Variants in HELQ observed in about 807,000 individuals in gnomAD.
HELQ encodes the protein helicase POLQ-like.
Under a neutral mutation model 111.6 loss-of-function variants are expected in HELQ, and 77 were observed. That is an observed-to-expected ratio of 0.69 (90% confidence interval 0.57 to 0.83). HELQ has a LOEUF of 0.83. HELQ is among the 40% of genes least tolerant of loss of function. The pLI, the probability that HELQ is intolerant of heterozygous loss-of-function variation, is 0.00. For missense variants in HELQ, 1,200 were observed against 1,288.5 expected (o/e 0.93, Z 1.05); for synonymous variants, 438 against 454.7 (o/e 0.96, Z 0.47).
At chr4:83,432,008 A>C in intron 10 of HELQ, 118 bp downstream of exon 10, 1 of 592,624 alleles carries the variant, frequency 1.7e-6, no homozygotes. Context: ...TCATATAGGA[A>C]AGAAAGCATC....
At chr4:83,428,471 G>GA (rs908341560) in intron 12 of HELQ, among the ~76,000 whole-genome samples, 2 of 152,146 alleles carry the variant, frequency 1.3e-5, no homozygotes, top group African/African-American at 4.8e-5. Context: ...TGAGGTGGGA[G>GA]AATCATTTGA....
At chr4:83,410,591 G>A (rs1739034127) in intron 17 of HELQ, among the ~76,000 whole-genome samples, 1 of 152,154 alleles carries the variant, frequency 6.6e-6, no homozygotes, top group Admixed American at 6.6e-5. Flanking sequence ...TGAAAAAGAG[G>A]AAGACTATAT....
At position 83,431,648 on chromosome 4, in the gene HELQ, A is replaced by G. The variant is rs766440429; in HGVS notation, c.2295+16T>C. 11 of 1,422,040 alleles carry G rather than the reference A, an allele frequency of 7.7e-6. No individual in the cohort carries two copies. In the African/African-American group the frequency reaches 1.6e-4, roughly 21 times the overall value. 88.1% of individuals were successfully genotyped at this position (1,422,040 alleles called of 1,614,324 possible). A position where few individuals can be genotyped will look rare whatever the true frequency, so the allele number is the denominator to read the frequency against. On this transcript the variant is annotated intron_variant, in intron 11 of 17. Coordinates refer to ENST00000295488, the MANE Select transcript of HELQ (RefSeq NM_133636.5). ...CTCAGATAACAGTAATAAGATAAAA[A>G]ATTTAAGAAAAATACCTTCAAACCA...
intron 17 of HELQ, among the ~76,000 whole-genome samples, chr4:83,410,312 T>C (rs1038774073): frequency 4.6e-5 from 7 of 152,226 alleles, no homozygotes; most frequent in Non-Finnish European, 1.0e-4. Context: ...CCAGTAGAAT[T>C]TGTGTTTCAA....
chr4:83,421,317 A>G (rs898534968), intron 15 of HELQ, among the ~76,000 whole-genome samples: 1 of 152,222 alleles, frequency 6.6e-6, no homozygotes, highest in African/African-American at 2.4e-5. Flanking sequence ...TGGGTCAAAA[A>G]GACACTTTTC....
At chr4:83,455,372 G>C (rs1357424309) in intron 1 of HELQ, 25 bp downstream of exon 1, 1 of 1,599,948 alleles carries the variant, frequency 6.3e-7, no homozygotes, top group Non-Finnish European at 8.6e-7. Flanking sequence ...AAAGTTTGCA[G>C]TTTCAAGTTC....
In HELQ at chr4:83,427,689, C is replaced by T; in HGVS notation, c.2550G>A (p.Leu850=). ...GTIDLAYCDI[L]YRDLKKGLEG... ...CAAGACCTTTCTTCAAGTCTCTGTA[C>T]AGAATGTCACAATAAGCTAAATCTA... The change falls in exon 13 of 18, where the codon CTG becomes CTA. Residue 850 remains leucine (L), a synonymous_variant. Coordinates refer to ENST00000295488, the MANE Select transcript of HELQ (RefSeq NM_133636.5). 6.4e-7 allele frequency: 1 copy of T among 1,572,300 alleles called. No individual in the cohort carries two copies. Among genetic ancestry groups the T allele is most frequent in the South Asian group, 1.2e-5 (1 of 83,722 alleles).
In HELQ at chr4:83,453,467, A is replaced by C. The variant is rs750492907; in HGVS notation, c.776T>G (p.Met259Arg). 37 of 1,610,116 alleles carry C rather than the reference A, an allele frequency of 2.3e-5. No individual in the cohort carries two copies. Among genetic ancestry groups the C allele is most frequent in the Non-Finnish European group, 2.9e-5 (34 of 1,179,074 alleles). Reference protein sequence around the residue: ...SSSKVRTSSDMNRRKSIKDHL... With the variant: ...SSSKVRTSSDRNRRKSIKDHL... ...ATCTTTAATACTTTTTCTCCTGTTC[A>C]TATCTGAACTAGTTCTGACTTTGGA... The change falls in exon 2 of 18, where the codon ATG (methionine) becomes AGG (arginine). Residue 259 changes from methionine to arginine, a missense_variant. Met to Arg is a moderately conservative substitution (Grantham distance 91). Around this residue, in one of 3 missense-constraint regions of HELQ, gnomAD observed 610 missense variants for 607.1 expected, o/e 1.00. Coordinates refer to ENST00000295488, the MANE Select transcript of HELQ (RefSeq NM_133636.5).
In HELQ at chr4:83,428,903, G is replaced by T. The variant is rs539557355; in HGVS notation, c.2518+621C>A. Among the ~76,000 whole-genome samples, 144 of 152,172 alleles carry T rather than the reference G, an allele frequency of 9.5e-4. 1 individual carries two copies. Among genetic ancestry groups the T allele is most frequent in the African/African-American group, 3.2e-3 (134 of 41,546 alleles). On this transcript the variant is annotated intron_variant, in intron 12 of 17. Coordinates refer to ENST00000295488, the MANE Select transcript of HELQ (RefSeq NM_133636.5). Reference sequence around the variant, plus strand: ...TACATATTATGCACTGAAATGAAATGTACAGTAAAGGTCTGGAAAGATATA... The same window carrying T: ...TACATATTATGCACTGAAATGAAATTTACAGTAAAGGTCTGGAAAGATATA...
intron 17 of HELQ, among the ~76,000 whole-genome samples, chr4:83,412,586 G>T (rs911150447): frequency 6.6e-6 from 1 of 152,210 alleles, no homozygotes; most frequent in Non-Finnish European, 1.5e-5. Context: ...AACACTTTGG[G>T]AAGCCAAGAT....
In HELQ at chr4:83,421,627, C is replaced by T. The variant is rs752417171; in HGVS notation, c.2885G>A (p.Gly962Glu). Residue 962 changes from glycine to glutamate, a missense_variant, in exon 15 of 18, where the codon GGA (glycine) becomes GAA (glutamate). This residue lies in a region of HELQ where 585 missense variants were observed against 665.3 expected (regional missense o/e 0.88). Coordinates refer to ENST00000295488, the MANE Select transcript of HELQ (RefSeq NM_133636.5). The stretch of plus-strand genomic sequence containing the variant: ...TCCAGTGAGAAGATTTTGTATATAT[C>T]CTCGAGGCATATTAAATTTTTCAGA... ...TVSEKFNMPR[G>E]YIQNLLTGTA... is the part of the protein sequence containing the mutation. The T allele has an allele frequency of 6.2e-7, 1 of 1,613,510 alleles. No individual in the cohort carries two copies.
rs1382128963 is a variant in HELQ at position 83,455,707 on chromosome 4, G to T, written c.-14C>A. 1 of 1,595,702 alleles carries T rather than the reference G, an allele frequency of 6.3e-7. No homozygotes were observed. The highest frequency in any genetic ancestry group is 1.7e-5 in the Admixed American group (1 of 59,782). Reference sequence around the variant, plus strand: ...ACATTCATCCATGGCAAGGACCCAGGGCCCTATTCAGACGTCGTTCTCAGT... The same window carrying T: ...ACATTCATCCATGGCAAGGACCCAGTGCCCTATTCAGACGTCGTTCTCAGT... On this transcript the variant is annotated 5_prime_UTR_variant, in exon 1 of 18. Coordinates refer to ENST00000295488, the MANE Select transcript of HELQ (RefSeq NM_133636.5).
chr4:83,420,405 G>A (rs1739605402), intron 15 of HELQ, among the ~76,000 whole-genome samples: 2 of 152,058 alleles, frequency 1.3e-5, no homozygotes, highest in East Asian at 3.9e-4. Flanking sequence ...AGGGCAACCT[G>A]GAGGATCGCT....
chr4:83,432,611 G>A (rs1284732218), intron 9 of HELQ, among the ~76,000 whole-genome samples: 1 of 152,164 alleles, frequency 6.6e-6, no homozygotes, highest in African/African-American at 2.4e-5. Context: ...ATCTGTAGCA[G>A]TAGTCTCCAA....
At chr4:83,407,847 A>T (rs1738873837) in intron 17 of HELQ, among the ~76,000 whole-genome samples, 1 of 152,214 alleles carries the variant, frequency 6.6e-6, no homozygotes, top group Non-Finnish European at 1.5e-5. Flanking sequence ...GCCACTTAAA[A>T]ATTAACTTTT....
intron 6 of HELQ, among the ~76,000 whole-genome samples, chr4:83,442,487 T>C (rs1308348462): frequency 6.7e-6 from 1 of 149,842 alleles, no homozygotes; most frequent in Non-Finnish European, 1.5e-5. Context: ...CTCGGCTTGC[T>C]GCAACCTTCG....
intron 14 of HELQ, among the ~76,000 whole-genome samples, chr4:83,424,903 C>A (rs1242152448): frequency 6.6e-6 from 1 of 152,090 alleles, no homozygotes; most frequent in Admixed American, 6.6e-5. Context: ...ACTGCACCAT[C>A]AATTTAAGTG....
intron 15 of HELQ, 79 bp from the exon 16 acceptor site, chr4:83,418,285 G>C: frequency 1.4e-6 from 1 of 703,590 alleles, no homozygotes; most frequent in Non-Finnish European, 2.4e-6. Context: ...AGGGGGCTCA[G>C]AGAGAATGTT....
In HELQ at chr4:83,455,669, G is replaced by C; in HGVS notation, c.25C>G (p.Arg9Gly). The C allele has an allele frequency of 6.2e-7, 1 of 1,610,238 alleles. No individual in the cohort carries two copies. Among genetic ancestry groups the C allele is most frequent in the Non-Finnish European group, 8.5e-7 (1 of 1,179,924 alleles). Residue 9 changes from arginine to glycine, a missense_variant, in exon 1 of 18, where the codon CGC becomes GGC. By Grantham distance (125) the Arg-to-Gly change is moderately radical. Transcript: ENST00000295488. ...CTTTTGGGGAGAGACACCCGCCGGC[G>C]GATGCGGGAACCACATTCATCCATG... MDECGSRI[R>G]RRVSLPKRNR... is the part of the protein sequence containing the mutation.
Sources: gnomAD v4.1 joint callset for allele counts (sites outside exome capture counted in the v4.1 genomes callset) on GRCh38, gnomAD v4.1.1 for gene constraint, gnomAD v4.1.1 regional missense constraint, MANE v1.5 for transcripts, NCBI Gene and HGNC (gene_info 2026-07-23, HGNC 2026-07-21) for gene names.